Variants in KLK5 observed in about 807,000 individuals in gnomAD.
KLK5 encodes kallikrein related peptidase 5, also known as kallikrein-5.
A neutral mutation model predicts 24.0 loss-of-function variants in KLK5; 18 were observed. The observed-to-expected ratio is 0.75, with a 90% CI of 0.52 to 1.11. The LOEUF (loss-of-function observed/expected upper bound fraction) is 1.11. Ranked by LOEUF, KLK5 falls within the 50% of genes most tolerant of loss-of-function variation. KLK5 has a pLI of 0.00. For synonymous variants in KLK5, 140 were observed against 154.0 expected (o/e 0.91, Z 0.67); for missense variants, 374 against 379.2 (o/e 0.99, Z 0.11).
At chr19:50,949,807 C>CAA in intron 3 of KLK5, 48 bp downstream of exon 3, 5 of 1,225,832 alleles carry the variant, frequency 4.1e-6, no homozygotes, top group Non-Finnish European at 5.7e-6. Context: ...CCACCCCCAC[C>CAA]CCCACTTCCC....
intron 5 of KLK5, among the ~76,000 whole-genome samples, chr19:50,945,807 G>GAAA (rs1192097837): frequency 6.6e-6 from 1 of 152,060 alleles, no homozygotes; most frequent in Non-Finnish European, 1.5e-5. Context: ...GAAAAGAAAA[G>GAAA]AAAAGAAAAG....
Position 50,943,794 on chromosome 19 carries a change from A to T in KLK5, c.727-8T>A, listed in dbSNP as rs771697729. The T allele has an allele frequency of 1.8e-5, 29 of 1,607,862 alleles. No individual in the cohort carries two copies. Among genetic ancestry groups the T allele is most frequent in the Non-Finnish European group, 2.4e-5 (28 of 1,175,492 alleles). On this transcript the variant is annotated splice_polypyrimidine_tract_variant and splice_region_variant and intron_variant, in intron 5 of 5. Transcript: ENST00000336334. Reference sequence around the variant, plus strand: ...AGGCCCCCCAGAATCACCCTGCAGGAGAGAAAGGGGGGCATGAGAGAGGCA... The same window carrying T: ...AGGCCCCCCAGAATCACCCTGCAGGTGAGAAAGGGGGGCATGAGAGAGGCA...
At chr19:50,946,438 C>G (rs1304840128) in intron 5 of KLK5, among the ~76,000 whole-genome samples, 1 of 103,618 alleles carries the variant, frequency 9.7e-6, no homozygotes, top group African/African-American at 2.8e-5. Context: ...AGACCACACA[C>G]CGGTATGAAA....
At chr19:50,944,797 C>G (rs1014493111) in intron 5 of KLK5, among the ~76,000 whole-genome samples, 2 of 152,162 alleles carry the variant, frequency 1.3e-5, no homozygotes, top group Non-Finnish European at 2.9e-5. Flanking sequence ...CCAGTGTCTT[C>G]TAGGGGCAGA....
intron 5 of KLK5, among the ~76,000 whole-genome samples, chr19:50,944,916 ACAGT>A (rs1477481858): frequency 6.6e-6 from 1 of 151,880 alleles, no homozygotes; most frequent in Non-Finnish European, 1.5e-5. Context: ...CTGCTCTTCA[ACAGT>A]CATTTTTTTC....
chr19:50,949,775 TGACACCCCCACCCCCACTTCCCC>T, intron 3 of KLK5, 57 bp downstream of exon 3: 3 of 362,668 alleles, frequency 8.3e-6, no homozygotes, highest in Non-Finnish European at 1.4e-5. Flanking sequence ...CTCACCTCCA[TGACACCCCCACCCCCACTTCCCC>T]ACCCCCACCC....
In KLK5 at chr19:50,948,752, T is replaced by C. The variant is rs1344262216; in HGVS notation, c.614A>G (p.Gln205Arg). The stretch of plus-strand genomic sequence containing the variant: ...ACTTAGCACGCTGATATTCAAGCAC[T>C]GGAGGACCTTAGGGAAGTGCACTGT... ...SPQVHFPKVL[Q>R]CLNISVLSQK... Residue 205 changes from glutamine (Q) to arginine (R), a missense_variant, in exon 5 of 6, where the codon CAG (glutamine) becomes CGG (arginine). By Grantham distance (43) the Gln-to-Arg change is conservative. Transcript: ENST00000336334. The C allele has an allele frequency of 2.5e-6, 4 of 1,614,114 alleles. No homozygotes were observed. The highest frequency in any genetic ancestry group is 2.2e-5 in the East Asian group (1 of 44,874).
chr19:50,950,157 G>T (rs1013412042), intron 2 of KLK5, 41 bp from the exon 3 acceptor site: 64 of 1,587,468 alleles, frequency 4.0e-5, no homozygotes, highest in Non-Finnish European at 5.3e-5. Context: ...CAGAGGCGGG[G>T]CTTGGGCTGG....
At chr19:50,944,160 C>T (rs567670959) in intron 5 of KLK5, among the ~76,000 whole-genome samples, 3 of 152,036 alleles carry the variant, frequency 2.0e-5, no homozygotes, top group Admixed American at 2.0e-4. Flanking sequence ...TCCATCACCA[C>T]ACCCGGCTAA....
chr19:50,950,615 G>A (rs952974125), intron 2 of KLK5, among the ~76,000 whole-genome samples: 1 of 152,166 alleles, frequency 6.6e-6, no homozygotes, highest in African/African-American at 2.4e-5. Flanking sequence ...CTTTGGGCTG[G>A]GGGCGGTGGC....
At position 50,950,014 on chromosome 19, in the gene KLK5, C is replaced by A. The variant is rs376576622; in HGVS notation, c.176G>T (p.Arg59Leu). Reference protein sequence around the residue: ...DLGAGAGEDARSDDSSSRIIN... With the variant: ...DLGAGAGEDALSDDSSSRIIN... ...GATGCGGCTGCTGCTGTCATCCGAC[C>A]GGGCGTCTTCCCCGGCCCCAGCTCC... The change falls in exon 3 of 6, where the codon CGG becomes CTG. Residue 59 changes from arginine (R) to leucine (L), a missense_variant. Physicochemically the swap from Arg to Leu is moderately radical, Grantham distance 102 (BLOSUM62 -2). Coordinates refer to ENST00000336334, the MANE Select transcript of KLK5 (RefSeq NM_012427.5). 1.2e-6 allele frequency: 2 copies of A among 1,613,580 alleles called. No individual in the cohort carries two copies. The highest frequency in any genetic ancestry group is 2.2e-5 in the South Asian group (2 of 91,016).
chr19:50,947,457 T>C lies in KLK5; in HGVS notation c.726+1183A>G, dbSNP rs1344689449. On this transcript the variant is annotated intron_variant, in intron 5 of 5. Coordinates refer to ENST00000336334, the MANE Select transcript of KLK5 (RefSeq NM_012427.5). This position sits in a 1 kb window ranked among gnomAD's most constrained non-coding sequence, Gnocchi z 8.7. Reference sequence around the variant, plus strand: ...CTCCAAGGAGGCTCCCCTGACCACCTTTTTGAATATTGGCCCTTATTGTTT... The same window carrying C: ...CTCCAAGGAGGCTCCCCTGACCACCCTTTTGAATATTGGCCCTTATTGTTT... Among the ~76,000 whole-genome samples, 1 of 152,196 alleles carries C rather than the reference T, an allele frequency of 6.6e-6. No homozygotes were observed. Among genetic ancestry groups the C allele is most frequent in the Non-Finnish European group, 1.5e-5 (1 of 68,034 alleles).
In KLK5 at chr19:50,952,843, C is replaced by A. The variant is rs2090700007; in HGVS notation, c.-108G>T. The A allele has an allele frequency of 4.4e-6, 2 of 455,078 alleles. No homozygotes were observed. Among genetic ancestry groups the A allele is most frequent in the Non-Finnish European group, 7.8e-6 (2 of 258,040 alleles). The allele number at this position is 455,078 out of a possible 1,614,324, so 28.2% of individuals were successfully genotyped here. Reference sequence around the variant, plus strand: ...TAGAATTCAGAAGATAGGAGTCTAGCAGCCTCCAGACAGGGCAAGGAGGGG... The same window carrying A: ...TAGAATTCAGAAGATAGGAGTCTAGAAGCCTCCAGACAGGGCAAGGAGGGG... On this transcript the variant is annotated 5_prime_UTR_variant, in exon 1 of 6. Coordinates refer to ENST00000336334, the MANE Select transcript of KLK5 (RefSeq NM_012427.5).
intron 5 of KLK5, 79 bp from the exon 6 acceptor site, chr19:50,943,865 T>C (rs2123553673): frequency 8.1e-6 from 9 of 1,106,606 alleles, no homozygotes; most frequent in Middle Eastern, 2.8e-4. Flanking sequence ...GACCCAGAGA[T>C]GCCCATAGAT....
chr19:50,950,121 G>T lies in KLK5; in HGVS notation c.74-5C>A. On this transcript the variant is annotated splice_polypyrimidine_tract_variant and splice_region_variant and intron_variant, in intron 2 of 5. Coordinates refer to ENST00000336334, the MANE Select transcript of KLK5 (RefSeq NM_012427.5). ...CATTGTTGGCGAGAACATGCTCTGG[G>T]AACGGAAAATGGGTTGGGCGGGGCT... The T allele has an allele frequency of 1.3e-6, 2 of 1,591,758 alleles. No individual in the cohort carries two copies.
At chr19:50,949,793 T>TTCCCCG (rs1378438178) in intron 3 of KLK5, 62 bp downstream of exon 3, 20,919 of 91,228 alleles carry the variant, frequency 0.23, 4,912 homozygotes, top group East Asian at 0.63. Context: ...CCACCCCCAC[T>TTCCCCG]TCCCCACCCC....
Position 50,943,620 on chromosome 19 carries a change from C to A in KLK5, c.*11G>T, listed in dbSNP as rs1256252302. On this transcript the variant is annotated 3_prime_UTR_variant, in exon 6 of 6. Transcript: ENST00000336334. Reference sequence around the variant, plus strand: ...AGGTGGGGATGCCGGTGTGCTGAGTCCTGGGATGACTCAGGAGTTGGCCTG... The same window carrying A: ...AGGTGGGGATGCCGGTGTGCTGAGTACTGGGATGACTCAGGAGTTGGCCTG... 1 of 1,612,396 alleles carries A rather than the reference C, an allele frequency of 6.2e-7. No homozygotes were observed. Among genetic ancestry groups the A allele is most frequent in the East Asian group, 2.2e-5 (1 of 44,828 alleles).
chr19:50,943,758 T>C lies in KLK5; in HGVS notation c.755A>G (p.Asn252Ser). 2 of 1,613,418 alleles carry C rather than the reference T, an allele frequency of 1.2e-6. No individual in the cohort carries two copies. The highest frequency in any genetic ancestry group is 1.7e-6 in the Non-Finnish European group (2 of 1,179,716). Residue 252 changes from asparagine to serine, a missense_variant, in exon 6 of 6, where the codon AAT becomes AGT. Coordinates refer to ENST00000336334, the MANE Select transcript of KLK5 (RefSeq NM_012427.5). ...GGACACGAGTCCCTGCAGGGAGCCA[T>C]TGCAGACCACAGGCCCCCCAGAATC... is the stretch of plus-strand genomic sequence containing the variant. ...QGDSGGPVVC[N>S]GSLQGLVSWG...
At position 50,947,675 on chromosome 19, in the gene KLK5, T is replaced by C. The variant is rs573107146; in HGVS notation, c.726+965A>G. Among the ~76,000 whole-genome samples the C allele has an allele frequency of 3.3e-5, 5 of 152,322 alleles. No homozygotes were observed. In the South Asian group the frequency reaches 1.0e-3, roughly 32 times the overall value. On this transcript the variant is annotated intron_variant, in intron 5 of 5. Transcript: ENST00000336334. This position sits in a 1 kb window ranked among gnomAD's most constrained non-coding sequence, Gnocchi z 8.7. ...AATACCTACCAGATTTCTCTTTTCC[T>C]TCCTCAAGATATTTTACCAGCACTT...
Sources: allele counts gnomAD v4.1 joint callset (sites outside exome capture counted in the v4.1 genomes callset), GRCh38; gene constraint gnomAD v4.1.1; non-coding constraint Gnocchi (gnomAD v3.1); transcripts MANE v1.5; gene names NCBI Gene and HGNC (gene_info 2026-07-23, HGNC 2026-07-21).